Variants in MYOCD observed in about 807,000 individuals in gnomAD.
MYOCD encodes the protein myocardin.
A neutral mutation model predicts 96.1 loss-of-function variants in MYOCD; 32 were observed. The ratio of observed to expected loss-of-function variants is 0.33; its 90% CI spans 0.25 to 0.45. The LOEUF (loss-of-function observed/expected upper bound fraction) is 0.45. Ranked by LOEUF, MYOCD falls within the 20% of genes least tolerant of loss-of-function variation. The pLI is 1.00. For synonymous variants in MYOCD, 469 were observed against 469.0 expected (o/e 1.00, Z 0.00); for missense variants, 1,133 against 1,200.6 (o/e 0.94, Z 0.83).
In MYOCD at chr17:12,765,328, AAGTT is replaced by A. The variant is rs930526782; in HGVS notation, c.*1685_*1688del. The A allele has an allele frequency of 1.3e-5, 2 of 151,570 alleles. No individual in the cohort carries two copies. Among genetic ancestry groups the A allele is most frequent in the African/African-American group, 2.4e-5 (1 of 41,348 alleles). The allele number at this position is 151,570 out of a possible 1,614,324, so 9.4% of individuals were successfully genotyped here. ...TTTATCTTTTGTAAAAAAAAAAAAA[AAGTT>A]GTTCACTGTGCACTTATAGAAAAAA... On this transcript the variant is annotated 3_prime_UTR_variant, in exon 14 of 14. Transcript: ENST00000425538.
In MYOCD at chr17:12,745,952, CTCT is replaced by C; in HGVS notation, c.1011_1013del (p.Ser338del). On this transcript the variant is annotated inframe_deletion, in exon 9 of 14. Transcript: ENST00000425538. Reference sequence around the variant, plus strand: ...ATGAACAGATGGTCAGAAATCCAAACTCTTCTTCAACGCCACTGAGCAATACCC... The same window carrying C: ...ATGAACAGATGGTCAGAAATCCAAACTCTTCAACGCCACTGAGCAATACCC... The C allele has an allele frequency of 1.2e-6, 2 of 1,614,174 alleles. No homozygotes were observed. Among genetic ancestry groups the C allele is most frequent in the Middle Eastern group, 1.6e-4 (1 of 6,062 alleles).
Position 12,734,948 on chromosome 17 carries a change from G to A in MYOCD, c.416-1213G>A, listed in dbSNP as rs914534377. Among the ~76,000 whole-genome samples, 8 of 152,306 alleles carry A rather than the reference G, an allele frequency of 5.3e-5. No homozygotes were observed. In the East Asian group the frequency reaches 1.2e-3, roughly 22 times the overall value. On this transcript the variant is annotated intron_variant, in intron 5 of 13. Transcript: ENST00000425538. ...CCAAACCCTTCCCAGTTAGTGGGCC[G>A]CCCCATGGGCCTGTGACTGGAGTTT...
In MYOCD at chr17:12,739,266, G is replaced by C. The variant is rs769297960; in HGVS notation, c.655G>C (p.Asp219His). The C allele has an allele frequency of 6.2e-7, 1 of 1,609,750 alleles. No individual in the cohort carries two copies. The highest frequency in any genetic ancestry group is 1.7e-5 in the Admixed American group (1 of 59,112). The change falls in exon 7 of 14, where the codon GAT (aspartate) becomes CAT (histidine). Residue 219 changes from aspartate to histidine, a missense_variant. By Grantham distance (81) the Asp-to-His change is moderately conservative. Coordinates refer to ENST00000425538, the MANE Select transcript of MYOCD (RefSeq NM_001146312.3). ...DSASQPSHQS[D>H]AGKQGLGPPS... ...AGCCTCACAGCCCAGCCACCAGTCA[G>C]ATGCGGGGAAGCAGGGGCTTGGCCC... is the stretch of plus-strand genomic sequence containing the variant.
intron 2 of MYOCD, among the ~76,000 whole-genome samples, chr17:12,713,373 A>G (rs2031539167): frequency 6.6e-6 from 1 of 152,188 alleles, no homozygotes; most frequent in South Asian, 2.1e-4. Context: ...AGCCTCAGAG[A>G]CATGAGAACC....
chr17:12,742,278 A>G (rs2032534104), intron 7 of MYOCD, among the ~76,000 whole-genome samples: 2 of 152,212 alleles, frequency 1.3e-5, no homozygotes, highest in South Asian at 4.1e-4. Context: ...ATTATTCATT[A>G]GTCGCCAGGA....
rs764441484 is a variant in MYOCD at position 12,763,087 on chromosome 17, G to A, written c.2404G>A (p.Ala802Thr). The change falls in exon 14 of 14, where the codon GCT (alanine) becomes ACT (threonine). Residue 802 changes from alanine (A) to threonine (T), a missense_variant. By Grantham distance (58) the Ala-to-Thr change is moderately conservative. Coordinates refer to ENST00000425538, the MANE Select transcript of MYOCD (RefSeq NM_001146312.3). ...ATTGCCCACAGAAATGCCAGCAGAC[G>A]CTAGAGAGGATCACTCATGTCTTCA... ...LIESGEMPADAREDHSCLQKV... is the reference protein window; with the variant it reads ...LIESGEMPADTREDHSCLQKV... 1.4e-5 allele frequency: 23 copies of A among 1,611,476 alleles called. No homozygotes were observed. Among genetic ancestry groups the A allele is most frequent in the East Asian group, 2.2e-5 (1 of 44,878 alleles).
rs149778201 is a variant in MYOCD at position 12,714,361 on chromosome 17, A to ACACACACACACACACACC, written c.122-1157_122-1156insACACACACACACACACCC. On this transcript the variant is annotated intron_variant, in intron 2 of 13. Transcript: ENST00000425538. ...CACACACACACACACACACACACAC[A>ACACACACACACACACACC]CCCCGATCTGGTCAGAAACCTAATT... 5.4e-5 allele frequency among the ~76,000 whole-genome samples: 8 copies of ACACACACACACACACACC among 148,258 alleles called. No individual in the cohort carries two copies. In the East Asian group the frequency reaches 5.9e-4, roughly 11 times the overall value.
chr17:12,695,702 TGTG>T (rs757260215), intron 1 of MYOCD, among the ~76,000 whole-genome samples: 6 of 152,210 alleles, frequency 3.9e-5, no homozygotes, highest in Non-Finnish European at 8.8e-5. Context: ...TTTTTTGAAT[TGTG>T]GTATAATACA....
chr17:12,696,129 T>C (rs547264116), intron 1 of MYOCD, among the ~76,000 whole-genome samples: 1 of 151,500 alleles, frequency 6.6e-6, no homozygotes, highest in African/African-American at 2.4e-5. Context: ...CAATCTCGGC[T>C]CACTGCAACC....
At chr17:12,686,463 G>A (rs1339542781) in intron 1 of MYOCD, among the ~76,000 whole-genome samples, 1 of 152,232 alleles carries the variant, frequency 6.6e-6, no homozygotes, top group Non-Finnish European at 1.5e-5. Context: ...TCACCTGTGT[G>A]CAAAGCAGAA....
At position 12,768,946 on chromosome 17, in the gene MYOCD, GA is replaced by G. The variant is rs2033412957; in HGVS notation, c.*5305del. 6.7e-6 allele frequency: 1 copy of G among 149,898 alleles called. No homozygotes were observed. The highest frequency in any genetic ancestry group is 1.5e-5 in the Non-Finnish European group (1 of 67,590). The allele number at this position is 149,898 out of a possible 1,614,324, so 9.3% of individuals were successfully genotyped here. ...TTAAATAAAATGTTTATTTTAAAAAGAAATGTAAAACTTTTTTTTTTTCGTG... is the reference window on the plus strand; with the variant it reads ...TTAAATAAAATGTTTATTTTAAAAAGAATGTAAAACTTTTTTTTTTTCGTG... On this transcript the variant is annotated 3_prime_UTR_variant, in exon 14 of 14. Transcript: ENST00000425538.
At chr17:12,697,575 G>A (rs991601547) in intron 1 of MYOCD, among the ~76,000 whole-genome samples, 1 of 151,256 alleles carries the variant, frequency 6.6e-6, no homozygotes, top group African/African-American at 2.4e-5. Context: ...CGTTAGCCAG[G>A]ATGATCTCGA....
At chr17:12,678,749 G>A (rs1301310949) in intron 1 of MYOCD, among the ~76,000 whole-genome samples, 1 of 152,078 alleles carries the variant, frequency 6.6e-6, no homozygotes, top group African/African-American at 2.4e-5. Context: ...AGGCTGGAGT[G>A]CAGTGGCGCG....
chr17:12,673,069 C>G (rs566269473), intron 1 of MYOCD, among the ~76,000 whole-genome samples: 3 of 152,100 alleles, frequency 2.0e-5, no homozygotes. Context: ...TGTGAAATGA[C>G]TAGAAAATAC....
At chr17:12,683,648 T>A in intron 1 of MYOCD, among the ~76,000 whole-genome samples, 1 of 152,156 alleles carries the variant, frequency 6.6e-6, no homozygotes, top group Non-Finnish European at 1.5e-5. Context: ...GCCTGACAAC[T>A]CCTTTTATTT....
chr17:12,682,085 C>T (rs1006481602), intron 1 of MYOCD, among the ~76,000 whole-genome samples: 3 of 152,158 alleles, frequency 2.0e-5, no homozygotes, highest in African/African-American at 7.2e-5. Context: ...CGCAGATAAC[C>T]AGGTCTCTCA....
chr17:12,745,861 G>C, intron 8 of MYOCD, 58 bp from the exon 9 acceptor site: 1 of 1,577,836 alleles, frequency 6.3e-7, no homozygotes, highest in Non-Finnish European at 8.7e-7. Context: ...CGATCTAAAT[G>C]CAAGTTATCC....
chr17:12,668,123 C>T lies in MYOCD; in HGVS notation c.55+1880C>T, dbSNP rs771006565. ...ACTATGGCTGTGCCAGCACTGAGGTCGCAGCATGCTAACAAGAGGGCCTCT... is the reference window on the plus strand; with the variant it reads ...ACTATGGCTGTGCCAGCACTGAGGTTGCAGCATGCTAACAAGAGGGCCTCT... On this transcript the variant is annotated intron_variant, in intron 1 of 13. Transcript: ENST00000425538. Among the ~76,000 whole-genome samples the T allele has an allele frequency of 3.9e-5, 6 of 152,206 alleles. No individual in the cohort carries two copies. The East Asian group carries it at 9.6e-4, about 24-fold the overall frequency.
At chr17:12,677,513 C>G (rs1425943031) in intron 1 of MYOCD, among the ~76,000 whole-genome samples, 1 of 151,976 alleles carries the variant, frequency 6.6e-6, no homozygotes, top group African/African-American at 2.4e-5. Flanking sequence ...GAGATCGAGA[C>G]CAACCTGGCT....
Sources: gnomAD v4.1 joint callset for allele counts (sites outside exome capture counted in the v4.1 genomes callset) on GRCh38, gnomAD v4.1.1 for gene constraint, MANE v1.5 for transcripts, NCBI Gene and HGNC (gene_info 2026-07-23, HGNC 2026-07-21) for gene names.